Variants in FHOD3 observed in about 807,000 individuals in gnomAD.
FHOD3 encodes FH1/FH2 domain-containing protein 3.
A neutral mutation model predicts 173.0 loss-of-function variants in FHOD3; 90 were observed. The ratio of observed to expected loss-of-function variants is 0.52; its 90% CI spans 0.44 to 0.62. The LOEUF (loss-of-function observed/expected upper bound fraction) is 0.62. FHOD3 is among the 20% of genes least tolerant of loss of function. FHOD3 has a pLI of 0.00. For missense variants in FHOD3, 1,945 were observed against 2,034.7 expected (o/e 0.96, Z 0.85); for synonymous variants, 828 against 823.0 (o/e 1.01, Z -0.10).
intron 3 of FHOD3, among the ~76,000 whole-genome samples, chr18:36,434,009 G>A (rs1193261971): frequency 1.3e-5 from 2 of 151,978 alleles, no homozygotes; most frequent in African/African-American, 2.4e-5. Context: ...GGCCCTCTCC[G>A]CTCCCCACCT....
intron 18 of FHOD3, chr18:36,710,340 G>C (rs2040103475): frequency 6.6e-6 from 1 of 152,156 alleles, no homozygotes; most frequent in Admixed American, 6.5e-5. Flanking sequence ...CTACATATGA[G>C]TGGCACCCAC....
intron 3 of FHOD3, among the ~76,000 whole-genome samples, chr18:36,468,002 C>T (rs539990078): frequency 2.3e-4 from 35 of 152,332 alleles, no homozygotes; most frequent in African/African-American, 1.4e-4. Context: ...GTAGGTCTGT[C>T]CGCACAGCAG....
At chr18:36,389,154 G>A (rs1044635096) in intron 3 of FHOD3, among the ~76,000 whole-genome samples, 4 of 151,872 alleles carry the variant, frequency 2.6e-5, no homozygotes, top group South Asian at 4.2e-4. Flanking sequence ...TTTTATTTGC[G>A]AATAAAGATG....
chr18:36,546,753 G>A (rs540418181), intron 5 of FHOD3, among the ~76,000 whole-genome samples: 167 of 152,320 alleles, frequency 1.1e-3, no homozygotes, highest in African/African-American at 3.8e-3. Context: ...TGCATTTGGA[G>A]TGATGTTACC....
chr18:36,725,498 C>T (rs1315643906), intron 19 of FHOD3, among the ~76,000 whole-genome samples: 1 of 152,174 alleles, frequency 6.6e-6, no homozygotes, highest in Non-Finnish European at 1.5e-5. Flanking sequence ...GTTTCTCAGC[C>T]TCTTCTGTAC....
intron 3 of FHOD3, among the ~76,000 whole-genome samples, chr18:36,413,338 G>T (rs575796167): frequency 6.6e-6 from 1 of 152,304 alleles, no homozygotes; most frequent in South Asian, 2.1e-4. Flanking sequence ...ACACCCCCAT[G>T]AGTCTGTGGC....
intron 3 of FHOD3, among the ~76,000 whole-genome samples, chr18:36,406,228 G>A (rs9945270): frequency 0.035 from 5,371 of 152,254 alleles, 326 homozygotes; most frequent in African/African-American, 0.12. Flanking sequence ...ACACTGATAT[G>A]GCATTGAATA....
intron 3 of FHOD3, among the ~76,000 whole-genome samples, chr18:36,379,560 A>G (rs756566265): frequency 6.6e-6 from 1 of 152,200 alleles, no homozygotes; most frequent in Non-Finnish European, 1.5e-5. Flanking sequence ...TGGCAAACAA[A>G]ACTGATAATG....
At chr18:36,765,496 TAGC>T (rs1373177400) in intron 27 of FHOD3, among the ~76,000 whole-genome samples, 1 of 152,112 alleles carries the variant, frequency 6.6e-6, no homozygotes, top group Non-Finnish European at 1.5e-5. Flanking sequence ...AAATAGATAA[TAGC>T]AGCAGACCCA....
Position 36,718,486 on chromosome 18 carries a change from C to T in FHOD3, c.3188C>T (p.Ala1063Val), listed in dbSNP as rs150872384. Reference sequence around the variant, plus strand: ...GTTCCTCCTCCTCCAGTGTTCAACGCTCCTCAGGGCTTAGGGTGGTCCCAG... The same window carrying T: ...GTTCCTCCTCCTCCAGTGTTCAACGTTCCTCAGGGCTTAGGGTGGTCCCAG... ...LLVPPPPVFN[A>V]PQGLGWSQVP... Residue 1063 changes from alanine (A) to valine (V), a missense_variant, in exon 19 of 29, where the codon GCT becomes GTT. Transcript: ENST00000590592. The T allele has an allele frequency of 2.5e-6, 4 of 1,613,660 alleles. No homozygotes were observed. Among genetic ancestry groups the T allele is most frequent in the Admixed American group, 1.7e-5 (1 of 59,966 alleles).
chr18:36,439,230 A>G (rs1178494010), intron 3 of FHOD3, among the ~76,000 whole-genome samples: 1 of 152,152 alleles, frequency 6.6e-6, no homozygotes, highest in African/African-American at 2.4e-5. Context: ...CCCCAACCCT[A>G]TGGTTTCTTT....
At position 36,621,529 on chromosome 18, in the gene FHOD3, G is replaced by A. The variant is rs370907371; in HGVS notation, c.958-3982G>A. 1.1e-4 allele frequency among the ~76,000 whole-genome samples: 17 copies of A among 152,284 alleles called. No individual in the cohort carries two copies. In the East Asian group the frequency reaches 1.2e-3, roughly 10 times the overall value. On this transcript the variant is annotated intron_variant, in intron 9 of 28. Transcript: ENST00000590592. The stretch of plus-strand genomic sequence containing the variant: ...TCTACTTGGCCTGGCATTTGGTACT[G>A]GCTGTTGGCTGGGCCATGTGTCTTC...
chr18:36,410,290 C>T (rs2049290650), intron 3 of FHOD3, among the ~76,000 whole-genome samples: 1 of 152,168 alleles, frequency 6.6e-6, no homozygotes, highest in Non-Finnish European at 1.5e-5. Context: ...GCTTCGTTCA[C>T]TTAGCATAAC....
intron 5 of FHOD3, among the ~76,000 whole-genome samples, chr18:36,571,563 A>G (rs2058452462): frequency 6.6e-6 from 1 of 152,204 alleles, no homozygotes; most frequent in Non-Finnish European, 1.5e-5. Context: ...GAATGGCTGA[A>G]CCAATTTTGA....
chr18:36,412,104 C>T (rs760026122), intron 3 of FHOD3, among the ~76,000 whole-genome samples: 3 of 152,216 alleles, frequency 2.0e-5, no homozygotes, highest in Non-Finnish European at 2.9e-5. Context: ...CCCCATCCCA[C>T]GCAGGCAGGA....
At chr18:36,321,603 C>T (rs1300306814) in intron 1 of FHOD3, among the ~76,000 whole-genome samples, 1 of 152,092 alleles carries the variant, frequency 6.6e-6, no homozygotes, top group Non-Finnish European at 1.5e-5. Flanking sequence ...TAATGAGTAC[C>T]CACCAAATGC....
intron 8 of FHOD3, among the ~76,000 whole-genome samples, chr18:36,604,002 T>C (rs1406577999): frequency 1.3e-5 from 2 of 152,190 alleles, no homozygotes; most frequent in African/African-American, 2.4e-5. Context: ...CCTCTTGCTG[T>C]CATTCCTCCT....
chr18:36,700,219 G>A (rs2039506193), intron 17 of FHOD3, among the ~76,000 whole-genome samples: 2 of 151,926 alleles, frequency 1.3e-5, no homozygotes, highest in African/African-American at 4.8e-5. Flanking sequence ...AATCCCTGAG[G>A]TCTGTACTGC....
chr18:36,741,214 G>A (rs2041886047), intron 21 of FHOD3, among the ~76,000 whole-genome samples: 1 of 152,158 alleles, frequency 6.6e-6, no homozygotes, highest in African/African-American at 2.4e-5. Flanking sequence ...AACTGCCAGT[G>A]ATTGTGGCAA....
Sources: allele counts gnomAD v4.1 joint callset (sites outside exome capture counted in the v4.1 genomes callset), GRCh38; gene constraint gnomAD v4.1.1; transcripts MANE v1.5; gene names NCBI Gene and HGNC (gene_info 2026-07-23, HGNC 2026-07-21).